The following CYP3A43 variants were observed in gnomAD, a reference collection of about 807,000 sequenced individuals.
The protein encoded by CYP3A43 is cytochrome P450 3A43.
In CYP3A43, 45 loss-of-function variants were observed where a neutral mutation model predicts 58.0. The observed-to-expected ratio is 0.78, with a 90% CI of 0.61 to 0.99. The LOEUF is 0.99. Ranked by LOEUF, CYP3A43 falls within the 50% of genes least tolerant of loss-of-function variation. The pLI is 0.00. For synonymous variants in CYP3A43, 191 were observed against 201.4 expected (o/e 0.95, Z 0.44); for missense variants, 593 against 591.9 (o/e 1.00, Z -0.02).
Position 99,828,017 on chromosome 7 carries a change from C to G in CYP3A43, c.-99C>G, listed in dbSNP as rs1816692742. The G allele has an allele frequency of 2.2e-6, 2 of 923,260 alleles. No individual in the cohort carries two copies. Among genetic ancestry groups the G allele is most frequent in the Non-Finnish European group, 3.3e-6 (2 of 613,846 alleles). The allele number at this position is 923,260 out of a possible 1,614,324, so 57.2% of individuals were successfully genotyped here. ...GCTGTTAACATTAACTAAATCACCT[C>G]TGGGCAGAGAAACAAAGCTCTATAT... On this transcript the variant is annotated 5_prime_UTR_variant, in exon 1 of 13. Transcript: ENST00000354829.
intron 2 of CYP3A43, 191 bp from the exon 3 acceptor site, chr7:99,838,929 A>G (rs779730265): frequency 3.3e-4 from 221 of 667,140 alleles, no homozygotes; most frequent in Non-Finnish European, 5.0e-4. Flanking sequence ...GCAATGAGCC[A>G]AGATCGCACC....
In CYP3A43 at chr7:99,845,327, C is replaced by CT. The variant is rs989156378; in HGVS notation, c.318+1094dup. 6.7e-5 allele frequency among the ~76,000 whole-genome samples: 10 copies of CT among 149,672 alleles called. 1 individual carries two copies. The highest frequency in any genetic ancestry group is 4.0e-4 in the Admixed American group (6 of 14,980). On this transcript the variant is annotated intron_variant, in intron 4 of 12. Transcript: ENST00000354829. ...ATCTCTTTTTTTTCTTTTTCTTTTT[C>CT]TTTTTTTTTAATTGAGACAGAGTCT...
intron 9 of CYP3A43, among the ~76,000 whole-genome samples, chr7:99,859,573 C>A (rs920654288): frequency 6.6e-6 from 1 of 152,166 alleles, no homozygotes; most frequent in African/African-American, 2.4e-5. Flanking sequence ...AGCTGTGCAG[C>A]TGGTGGGGAT....
Position 99,828,052 on chromosome 7 carries a change from A to G in CYP3A43, c.-64A>G. 2.1e-6 allele frequency: 3 copies of G among 1,406,004 alleles called. No individual in the cohort carries two copies. The highest frequency in any genetic ancestry group is 3.0e-6 in the Non-Finnish European group (3 of 999,084). 87.1% of individuals were successfully genotyped at this position (1,406,004 alleles called of 1,614,324 possible). On this transcript the variant is annotated 5_prime_UTR_variant, in exon 1 of 13. Coordinates refer to ENST00000354829, the MANE Select transcript of CYP3A43 (RefSeq NM_057095.3). ...AAACAAAGCTCTATATGCACAGCCCAGCAAAGAGCAGCACACAGCTGAAAG... is the reference window on the plus strand; with the variant it reads ...AAACAAAGCTCTATATGCACAGCCCGGCAAAGAGCAGCACACAGCTGAAAG...
At chr7:99,833,318 C>T (rs1398677094) in intron 1 of CYP3A43, among the ~76,000 whole-genome samples, 3 of 150,766 alleles carry the variant, frequency 2.0e-5, no homozygotes, top group Admixed American at 2.0e-4. Context: ...TTAAGCATTT[C>T]GTGGGAGGGG....
intron 7 of CYP3A43, among the ~76,000 whole-genome samples, chr7:99,854,709 G>A (rs1817904291): frequency 1.3e-5 from 2 of 152,038 alleles, no homozygotes; most frequent in African/African-American, 2.4e-5. Flanking sequence ...ATTTCCCTCT[G>A]AACATTGCTT....
chr7:99,850,356 G>A (rs908224978), intron 7 of CYP3A43, among the ~76,000 whole-genome samples: 1 of 151,832 alleles, frequency 6.6e-6, no homozygotes, highest in African/African-American at 2.4e-5. Context: ...CCGCCTTCCA[G>A]GTTCAAGTGA....
At chr7:99,852,175 C>T (rs1817787720) in intron 7 of CYP3A43, among the ~76,000 whole-genome samples, 1 of 152,204 alleles carries the variant, frequency 6.6e-6, no homozygotes, top group Admixed American at 6.5e-5. Context: ...TATCTTTATG[C>T]CAGTATCACA....
At chr7:99,833,326 G>GGA (rs1239968270) in intron 1 of CYP3A43, among the ~76,000 whole-genome samples, 1 of 152,026 alleles carries the variant, frequency 6.6e-6, no homozygotes, top group African/African-American at 2.4e-5. Flanking sequence ...TTCGTGGGAG[G>GGA]GGGGAGATCT....
chr7:99,835,614 G>A (rs1447831600), intron 1 of CYP3A43, among the ~76,000 whole-genome samples: 2 of 152,144 alleles, frequency 1.3e-5, no homozygotes, highest in African/African-American at 4.8e-5. Context: ...TTATTTCCTG[G>A]GTCACAGACT....
chr7:99,830,300 G>A (rs139078044), intron 1 of CYP3A43, among the ~76,000 whole-genome samples: 58 of 152,136 alleles, frequency 3.8e-4, no homozygotes, highest in African/African-American at 1.3e-3. Flanking sequence ...GGTGGATCAC[G>A]TGAGGTCAGA....
chr7:99,836,692 C>A, intron 2 of CYP3A43, 146 bp downstream of exon 2: 1 of 609,482 alleles, frequency 1.6e-6, no homozygotes, highest in Non-Finnish European at 2.8e-6. Flanking sequence ...AGAGCAGGGC[C>A]AGGTTTATAC....
intron 9 of CYP3A43, among the ~76,000 whole-genome samples, chr7:99,857,895 TAACTCA>T (rs1818048851): frequency 6.6e-6 from 1 of 152,000 alleles, no homozygotes; most frequent in South Asian, 2.1e-4. Context: ...AGGAAATGTT[TAACTCA>T]AACACACCAT....
At chr7:99,848,336 G>T in intron 6 of CYP3A43, 82 bp downstream of exon 6, 1 of 1,423,154 alleles carries the variant, frequency 7.0e-7, no homozygotes, top group Non-Finnish European at 9.8e-7. Flanking sequence ...CCACTGTTGG[G>T]TTACTCCAGT....
At chr7:99,831,235 T>C (rs1267505251) in intron 1 of CYP3A43, among the ~76,000 whole-genome samples, 1 of 152,186 alleles carries the variant, frequency 6.6e-6, no homozygotes, top group Non-Finnish European at 1.5e-5. Context: ...TTTATCACAT[T>C]TTATAAGATT....
chr7:99,842,143 T>C (rs1247413122), intron 3 of CYP3A43, among the ~76,000 whole-genome samples: 1 of 152,218 alleles, frequency 6.6e-6, no homozygotes, highest in South Asian at 2.1e-4. Flanking sequence ...TTAAAAGTTA[T>C]CTTCTTTTTC....
chr7:99,856,249 G>A (rs1817976328), intron 8 of CYP3A43, among the ~76,000 whole-genome samples: 1 of 152,176 alleles, frequency 6.6e-6, no homozygotes, highest in Non-Finnish European at 1.5e-5. Flanking sequence ...TCTGGGCATT[G>A]TGGGTGCAAG....
In CYP3A43 at chr7:99,838,860, A is replaced by C. The variant is rs555044324; in HGVS notation, c.166-260A>C. On this transcript the variant is annotated intron_variant, in intron 2 of 12. Transcript: ENST00000354829. Reference sequence around the variant, plus strand: ...CTGGGTGTGGTGGCGGGCCCCCATAATCCCAGCTACTTGGGAGGCTGAGGC... The same window carrying C: ...CTGGGTGTGGTGGCGGGCCCCCATACTCCCAGCTACTTGGGAGGCTGAGGC... 1.4e-4 allele frequency: 74 copies of C among 542,014 alleles called. No homozygotes were observed. The East Asian group carries it at 2.8e-3, about 20-fold the overall frequency. 33.6% of individuals were successfully genotyped at this position (542,014 alleles called of 1,614,324 possible).
chr7:99,836,479 T>G lies in CYP3A43; in HGVS notation c.98T>G (p.Phe33Cys). Residue 33 changes from phenylalanine to cysteine, a missense_variant, in exon 2 of 13, where the codon TTT (phenylalanine) becomes TGT (cysteine). By Grantham distance (205) the Phe-to-Cys change is radical. Transcript: ENST00000354829. Reference sequence around the variant, plus strand: ...TATGGGACCCATTCACATAAACTTTTTAAGAAGCTGGGAATTCCTGGGCCA... The same window carrying G: ...TATGGGACCCATTCACATAAACTTTGTAAGAAGCTGGGAATTCCTGGGCCA... ...YIYGTHSHKLFKKLGIPGPTP... is the reference protein window; with the variant it reads ...YIYGTHSHKLCKKLGIPGPTP... The G allele has an allele frequency of 1.2e-6, 2 of 1,611,132 alleles. No individual in the cohort carries two copies. Among genetic ancestry groups the G allele is most frequent in the Non-Finnish European group, 1.7e-6 (2 of 1,179,372 alleles).
Sources: gnomAD v4.1 joint callset for allele counts (sites outside exome capture counted in the v4.1 genomes callset) on GRCh38, gnomAD v4.1.1 for gene constraint, MANE v1.5 for transcripts, NCBI Gene and HGNC (gene_info 2026-07-23, HGNC 2026-07-21) for gene names.